The following YIPF7 variants were observed in gnomAD, a reference collection of about 807,000 sequenced individuals.
YIPF7 encodes Yip1 domain family member 7.
A neutral mutation model predicts 27.2 loss-of-function variants in YIPF7; 35 were observed. The ratio of observed to expected loss-of-function variants is 1.29; its 90% CI spans 0.98 to 1.70. The LOEUF is 1.70. Among genes scored for constraint, YIPF7 ranks in the 40% most tolerant of loss-of-function variants. The pLI is 0.00. For missense variants in YIPF7, 358 were observed against 303.7 expected (o/e 1.18, Z -1.33); for synonymous variants, 137 against 110.4 (o/e 1.24, Z -1.51).
intron 1 of YIPF7, among the ~76,000 whole-genome samples, chr4:44,650,507 G>A (rs59862788): frequency 0.22 from 29,928 of 137,046 alleles, 3,225 homozygotes; most frequent in Middle Eastern, 0.33. Flanking sequence ...GCGCGCGCGC[G>A]CACACACACA....
intron 2 of YIPF7, among the ~76,000 whole-genome samples, chr4:44,646,933 T>C (rs1297960035): frequency 6.6e-6 from 1 of 152,170 alleles, no homozygotes; most frequent in Non-Finnish European, 1.5e-5. Context: ...ATGGGGTATA[T>C]TTTAATTGAA....
intron 1 of YIPF7, among the ~76,000 whole-genome samples, chr4:44,662,073 C>G (rs1714052998): frequency 7.9e-5 from 12 of 152,030 alleles, no homozygotes; most frequent in Admixed American, 7.9e-4. Flanking sequence ...TACATTATAC[C>G]AACTGTTGTG....
upstream of YIPF7, among the ~76,000 whole-genome samples, chr4:44,653,986 C>T (rs761416468): frequency 5.7e-4 from 86 of 151,738 alleles, no homozygotes; most frequent in Non-Finnish European, 1.0e-3. Flanking sequence ...AAACCTGGCT[C>T]GATTAAATGA....
At chr4:44,638,641 A>T (rs1713219661) in intron 2 of YIPF7, among the ~76,000 whole-genome samples, 1 of 152,060 alleles carries the variant, frequency 6.6e-6, no homozygotes, top group Admixed American at 6.6e-5. Context: ...CTCCCATTCT[A>T]CTGGCTGTCT....
intron 2 of YIPF7, among the ~76,000 whole-genome samples, chr4:44,644,227 T>C (rs1457585141): frequency 1.3e-5 from 2 of 152,206 alleles, no homozygotes; most frequent in Non-Finnish European, 2.9e-5. Flanking sequence ...GAAATTATTT[T>C]GAAGCTTTAA....
upstream of YIPF7, among the ~76,000 whole-genome samples, chr4:44,655,868 G>A (rs752479248): frequency 6.6e-6 from 1 of 151,904 alleles, no homozygotes; most frequent in African/African-American, 2.4e-5. Flanking sequence ...ACATGAAAAT[G>A]GGCATAAAAT....
At chr4:44,637,579 T>A (rs1209253365) in intron 2 of YIPF7, among the ~76,000 whole-genome samples, 1 of 152,180 alleles carries the variant, frequency 6.6e-6, no homozygotes, top group African/African-American at 2.4e-5. Flanking sequence ...CTTGCCCACT[T>A]TTTTCTTTTT....
upstream of YIPF7, among the ~76,000 whole-genome samples, chr4:44,652,397 G>C (rs2109603368): frequency 6.6e-6 from 1 of 152,232 alleles, no homozygotes; most frequent in African/African-American, 2.4e-5. Context: ...AGTCCCCTGT[G>C]GTTTGCTTCA....
upstream of YIPF7, among the ~76,000 whole-genome samples, chr4:44,653,128 G>A (rs796895181): frequency 9.2e-5 from 14 of 152,138 alleles, no homozygotes; most frequent in African/African-American, 2.9e-4. Flanking sequence ...AAGACTTTCA[G>A]ATGGCAAGGA....
At chr4:44,627,457 T>C (rs1712701677) in intron 4 of YIPF7, among the ~76,000 whole-genome samples, 1 of 152,210 alleles carries the variant, frequency 6.6e-6, no homozygotes, top group African/African-American at 2.4e-5. Context: ...TTGCTTTCTC[T>C]AGTAAAATTC....
intron 2 of YIPF7, among the ~76,000 whole-genome samples, chr4:44,659,351 G>A (rs1229144699): frequency 2.6e-5 from 4 of 151,914 alleles, no homozygotes; most frequent in African/African-American, 9.7e-5. Context: ...TATTAGTTTA[G>A]GAAGCACTGT....
At chr4:44,649,431 C>T (rs931692003) in intron 2 of YIPF7, among the ~76,000 whole-genome samples, 3 of 152,064 alleles carry the variant, frequency 2.0e-5, no homozygotes, top group Non-Finnish European at 2.9e-5. Context: ...CCCAAGGAAA[C>T]CTCCCTCTCT....
At position 44,633,869 on chromosome 4, in the gene YIPF7, T is replaced by C. The variant is rs147796678; in HGVS notation, c.280+2053A>G. 1.6e-3 allele frequency among the ~76,000 whole-genome samples: 242 copies of C among 152,262 alleles called. 1 individual carries two copies. Among genetic ancestry groups the C allele is most frequent in the African/African-American group, 5.6e-3 (232 of 41,566 alleles). The stretch of plus-strand genomic sequence containing the variant: ...ATGAAAAATAAAAAGTCAATACATA[T>C]ATGAGAAATGTCAAAATTTTTTTAG... On this transcript the variant is annotated intron_variant, in intron 3 of 5. Coordinates refer to ENST00000415895, the MANE Select transcript of YIPF7 (RefSeq NM_182592.3).
chr4:44,650,531 A>T (rs1487187646), intron 1 of YIPF7, among the ~76,000 whole-genome samples: 3 of 151,346 alleles, frequency 2.0e-5, no homozygotes, highest in African/African-American at 7.3e-5. Context: ...ACACACACAC[A>T]CTTGTACCAA....
chr4:44,641,836 G>T (rs114990085), intron 2 of YIPF7, among the ~76,000 whole-genome samples: 2,455 of 152,250 alleles, frequency 0.016, 34 homozygotes, highest in Non-Finnish European at 0.025. Flanking sequence ...AATGTATGGT[G>T]ATTACCTGCT....
Position 44,658,705 on chromosome 4 carries a change from G to A in YIPF7, c.-2+1744C>T, listed in dbSNP as rs182965007. 1.9e-3 allele frequency among the ~76,000 whole-genome samples: 290 copies of A among 152,260 alleles called. 1 individual carries two copies. Among genetic ancestry groups the A allele is most frequent in the Non-Finnish European group, 3.2e-3 (217 of 68,014 alleles). ...CTGATAAAGGCATACCCGAGACTGG[G>A]TAATTTACAAAGAAAAATCATGGTG... On this transcript the variant is annotated intron_variant, in intron 2 of 2. Transcript: ENST00000508947.
At chr4:44,629,838 T>G (rs1303761428) in intron 3 of YIPF7, among the ~76,000 whole-genome samples, 3 of 152,228 alleles carry the variant, frequency 2.0e-5, no homozygotes, top group Non-Finnish European at 4.4e-5. Flanking sequence ...CCCTGATTTA[T>G]GCAGCAAATA....
intron 2 of YIPF7, among the ~76,000 whole-genome samples, chr4:44,648,742 A>G (rs75976822): frequency 0.017 from 2,608 of 152,258 alleles, 76 homozygotes; most frequent in African/African-American, 0.056. Flanking sequence ...ACTTTCCTAC[A>G]TATTATCATA....
chr4:44,649,011 T>C (rs568418423), intron 2 of YIPF7, among the ~76,000 whole-genome samples: 3 of 152,330 alleles, frequency 2.0e-5, no homozygotes, highest in East Asian at 3.9e-4. Context: ...GATTCCGTCA[T>C]GGCATTTTTC....
Sources: gnomAD v4.1 joint callset for allele counts (sites outside exome capture counted in the v4.1 genomes callset) on GRCh38, gnomAD v4.1.1 for gene constraint, MANE v1.5 for transcripts, NCBI Gene and HGNC (gene_info 2026-07-23, HGNC 2026-07-21) for gene names.